Variants in MAGI1 observed in about 807,000 individuals in gnomAD.
The protein encoded by MAGI1 is membrane-associated guanylate kinase, WW and PDZ domain-containing protein 1.
In MAGI1, 58 loss-of-function variants were observed where a neutral mutation model predicts 139.9. The ratio of observed to expected loss-of-function variants is 0.41; its 90% CI spans 0.34 to 0.52. The LOEUF (loss-of-function observed/expected upper bound fraction) is 0.52. Ranked by LOEUF, MAGI1 falls within the 20% of genes least tolerant of loss-of-function variation. MAGI1 has a pLI of 0.12. For synonymous variants in MAGI1, 812 were observed against 737.9 expected (o/e 1.10, Z -1.63); for missense variants, 1,874 against 1,901.6 (o/e 0.99, Z 0.27).
At chr3:65,360,638 T>G (rs888509653) in intron 22 of MAGI1, 1 of 985,908 alleles carries the variant, frequency 1.0e-6, no homozygotes, top group African/African-American at 1.7e-5. Context: ...TTTGTTTGTT[T>G]GATAGTAGTG....
chr3:65,388,841 T>TTTA, intron 14 of MAGI1, among the ~76,000 whole-genome samples: 1 of 124,734 alleles, frequency 8.0e-6, no homozygotes, highest in African/African-American at 2.9e-5. Flanking sequence ...CGAATTTTTT[T>TTTA]TTTTTTTTTT....
At position 65,622,081 on chromosome 3, in the gene MAGI1, C is replaced by G; in HGVS notation, c.321G>C (p.Arg107Ser). Residue 107 changes from arginine to serine, a missense_variant, in exon 2 of 23, where the codon AGG becomes AGC. Coordinates refer to ENST00000402939, the MANE Select transcript of MAGI1 (RefSeq NM_001033057.2). ...VTFKAVRQGG[R>S]LNKDLRHFLN... ...GAAAATGTCGCAGGTCCTTGTTCAGCCTTCCTCCTGCAGGAAATACATAAA... is the reference window on the plus strand; with the variant it reads ...GAAAATGTCGCAGGTCCTTGTTCAGGCTTCCTCCTGCAGGAAATACATAAA... The G allele has an allele frequency of 6.2e-7, 1 of 1,611,082 alleles. No individual in the cohort carries two copies. The highest frequency in any genetic ancestry group is 8.5e-7 in the Non-Finnish European group (1 of 1,177,280).
chr3:65,584,285 G>T (rs920249429), intron 2 of MAGI1, among the ~76,000 whole-genome samples: 3 of 152,082 alleles, frequency 2.0e-5, no homozygotes, highest in African/African-American at 7.2e-5. Context: ...ACAGTACCCT[G>T]CCAAAGTCAG....
chr3:65,736,279 C>T (rs2034720969), intron 1 of MAGI1, among the ~76,000 whole-genome samples: 1 of 152,142 alleles, frequency 6.6e-6, no homozygotes, highest in African/African-American at 2.4e-5. Context: ...CCAGTGGTGA[C>T]TTTTAGATCA....
At chr3:65,551,097 T>A (rs2079807459) in intron 2 of MAGI1, among the ~76,000 whole-genome samples, 1 of 152,110 alleles carries the variant, frequency 6.6e-6, no homozygotes, top group Non-Finnish European at 1.5e-5. Flanking sequence ...GGTAACTGGA[T>A]CATGGGGGCG....
At chr3:65,680,895 G>C (rs909503070) in intron 1 of MAGI1, among the ~76,000 whole-genome samples, 1 of 152,184 alleles carries the variant, frequency 6.6e-6, no homozygotes, top group East Asian at 1.9e-4. Context: ...AGAAAATATA[G>C]TGTGAGTTTT....
At chr3:65,959,250 C>T (rs1300761062) in intron 1 of MAGI1, among the ~76,000 whole-genome samples, 2 of 152,162 alleles carry the variant, frequency 1.3e-5, no homozygotes, top group Non-Finnish European at 2.9e-5. Context: ...CTGATTTCTC[C>T]TTCCTCTCTA....
intron 1 of MAGI1, among the ~76,000 whole-genome samples, chr3:65,652,837 G>A (rs528499943): frequency 2.6e-5 from 4 of 152,210 alleles, no homozygotes; most frequent in Admixed American, 1.3e-4. Flanking sequence ...GATGTAATTC[G>A]GAAGGCTGAC....
At chr3:65,357,228 C>G (rs144814315) in intron 22 of MAGI1, 96 bp from the exon 23 acceptor site, 1 of 1,271,610 alleles carries the variant, frequency 7.9e-7, no homozygotes. Flanking sequence ...TTAGTCACAA[C>G]AAGCAAACAA....
chr3:65,737,845 C>CT (rs762421468), intron 1 of MAGI1, among the ~76,000 whole-genome samples: 1 of 152,168 alleles, frequency 6.6e-6, no homozygotes, highest in Non-Finnish European at 1.5e-5. Context: ...TGAAGTTTCA[C>CT]TTAACCAATT....
intron 1 of MAGI1, among the ~76,000 whole-genome samples, chr3:65,655,322 T>C (rs1431887732): frequency 6.6e-6 from 1 of 152,096 alleles, no homozygotes; most frequent in African/African-American, 2.4e-5. Flanking sequence ...CATAAAGCAA[T>C]GCACTAATTA....
chr3:65,959,797 T>C (rs2064327191), intron 1 of MAGI1, among the ~76,000 whole-genome samples: 1 of 109,454 alleles, frequency 9.1e-6, no homozygotes, highest in African/African-American at 3.2e-5. Context: ...ATAAATTCTC[T>C]CTTTTTTTTT....
chr3:65,747,614 T>C (rs1357019248), intron 1 of MAGI1, among the ~76,000 whole-genome samples: 1 of 152,186 alleles, frequency 6.6e-6, no homozygotes, highest in Non-Finnish European at 1.5e-5. Context: ...CGAGTATATT[T>C]AAGAGTCCAG....
intron 1 of MAGI1, among the ~76,000 whole-genome samples, chr3:65,909,125 A>G (rs1389331738): frequency 6.6e-6 from 1 of 152,156 alleles, no homozygotes; most frequent in Non-Finnish European, 1.5e-5. Flanking sequence ...ACAGTGCCTC[A>G]TGAAGCTACC....
intron 1 of MAGI1, among the ~76,000 whole-genome samples, chr3:65,983,767 T>G (rs751541930): frequency 9.9e-5 from 15 of 152,096 alleles, no homozygotes; most frequent in Non-Finnish European, 1.0e-4. Context: ...GCTTCCAGGG[T>G]GGGTAACTTT....
intron 14 of MAGI1, among the ~76,000 whole-genome samples, chr3:65,386,074 C>T (rs999506583): frequency 1.3e-5 from 2 of 152,084 alleles, no homozygotes; most frequent in African/African-American, 2.4e-5. Flanking sequence ...CAGAGACTTC[C>T]AGCCCAGACC....
At chr3:65,920,845 A>G (rs937537529) in intron 1 of MAGI1, among the ~76,000 whole-genome samples, 18 of 152,156 alleles carry the variant, frequency 1.2e-4, no homozygotes, top group African/African-American at 4.1e-4. Flanking sequence ...CCTGACCAAC[A>G]TGGTGAAACT....
rs370163881 is a variant in MAGI1 at position 65,628,679 on chromosome 3, A to C, written c.314-6591T>G. Among the ~76,000 whole-genome samples the C allele has an allele frequency of 2.0e-5, 3 of 152,308 alleles. No individual in the cohort carries two copies. In the East Asian group the frequency reaches 5.8e-4, roughly 29 times the overall value. ...TTATCAGAATAGAAGAAATTCCCTG[A>C]AATGCAAGTTCCCAGATGCCAGCCA... is the stretch of plus-strand genomic sequence containing the variant. On this transcript the variant is annotated intron_variant, in intron 1 of 22. Transcript: ENST00000402939.
chr3:65,842,210 A>T (rs1379282111), intron 1 of MAGI1, among the ~76,000 whole-genome samples: 1 of 152,168 alleles, frequency 6.6e-6, no homozygotes, highest in Non-Finnish European at 1.5e-5. Context: ...TGTCTAAGAG[A>T]TAACAAACAA....
Sources: gnomAD v4.1 joint callset for allele counts (sites outside exome capture counted in the v4.1 genomes callset) on GRCh38, gnomAD v4.1.1 for gene constraint, MANE v1.5 for transcripts, NCBI Gene and HGNC (gene_info 2026-07-23, HGNC 2026-07-21) for gene names.